DYM: variants seen among roughly 807,000 people sequenced by gnomAD.
DYM encodes the protein dymeclin, also known as dyggve-Melchior-Clausen syndrome protein.
In DYM, 78 loss-of-function variants were observed where a neutral mutation model predicts 93.1. The observed-to-expected ratio is 0.84, with a 90% CI of 0.70 to 1.01. The LOEUF is 1.01. DYM is among the 50% of genes least tolerant of loss of function. The probability of loss-of-function intolerance (pLI) is 0.00; values close to 1 mark genes in which losing one functional copy is unlikely to be tolerated. For synonymous variants in DYM, 321 were observed against 319.7 expected, an observed-to-expected ratio of 1.00 and a Z score of -0.04; for missense variants, 789 against 845.0, an observed-to-expected ratio of 0.93 and a Z score of 0.82.
chr18:49,056,441 A>G (rs186347298), intron 17 of DYM, among the ~76,000 whole-genome samples: 22 of 152,390 alleles, frequency 1.4e-4, no homozygotes, highest in African/African-American at 5.0e-4. Flanking sequence ...CAGAGGGCTA[A>G]TGAGTGTAAA....
At chr18:49,355,637 G>A (rs979373906) in intron 6 of DYM, among the ~76,000 whole-genome samples, 2 of 152,164 alleles carry the variant, frequency 1.3e-5, no homozygotes, top group African/African-American at 4.8e-5. Flanking sequence ...TTCCTCTGCT[G>A]AGGGACACTG....
intron 8 of DYM, among the ~76,000 whole-genome samples, chr18:49,289,766 TATATATACAC>T (rs1425110670): frequency 6.2e-4 from 30 of 48,646 alleles, no homozygotes; most frequent in Middle Eastern, 7.0e-3. Context: ...TATATATATA[TATATATACAC>T]ATATATATAT....
chr18:49,364,501 T>G (rs1422492673), intron 5 of DYM, among the ~76,000 whole-genome samples: 1 of 152,010 alleles, frequency 6.6e-6, no homozygotes, highest in South Asian at 2.1e-4. Flanking sequence ...TTAACCTTCA[T>G]AACTAGTTAG....
chr18:49,271,081 C>A (rs1027048676), intron 11 of DYM, among the ~76,000 whole-genome samples: 3 of 152,136 alleles, frequency 2.0e-5, no homozygotes, highest in African/African-American at 7.2e-5. Context: ...CTTACTCCTA[C>A]AGATGAACAG....
chr18:49,135,295 G>A (rs151247993), intron 15 of DYM, among the ~76,000 whole-genome samples: 141 of 152,248 alleles, frequency 9.3e-4, no homozygotes, highest in Non-Finnish European at 1.8e-3. Flanking sequence ...ACTACTCTGT[G>A]TATTAAAGAC....
chr18:49,257,371 G>A (rs8090828), intron 12 of DYM, among the ~76,000 whole-genome samples: 17 of 152,072 alleles, frequency 1.1e-4, no homozygotes, highest in African/African-American at 3.9e-4. Flanking sequence ...GAAATATAAC[G>A]TTTAATTACA....
At chr18:49,147,190 T>C (rs1235193068) in intron 15 of DYM, among the ~76,000 whole-genome samples, 1 of 151,996 alleles carries the variant, frequency 6.6e-6, no homozygotes, top group Non-Finnish European at 1.5e-5. Flanking sequence ...TACACAAAAA[T>C]TAATTCAAGA....
chr18:49,289,045 A>C (rs2059850455), intron 8 of DYM, among the ~76,000 whole-genome samples: 1 of 152,172 alleles, frequency 6.6e-6, no homozygotes, highest in Non-Finnish European at 1.5e-5. Context: ...GAGGAGACAA[A>C]TAGGTCAACA....
chr18:49,207,240 C>A lies in DYM; in HGVS notation c.1625+2311G>T, dbSNP rs535379328. ...TGCCAGCTGTATTAATGAGGGTTAA[C>A]AATGCGCCAGGCATGATATGCTATA... On this transcript the variant is annotated intron_variant, in intron 14 of 17. Transcript: ENST00000675505. Among the ~76,000 whole-genome samples, 10 of 152,294 alleles carry A rather than the reference C, an allele frequency of 6.6e-5. No homozygotes were observed. In the South Asian group the frequency reaches 2.1e-3, roughly 32 times the overall value.
chr18:49,093,829 T>TA (rs1256022791), intron 17 of DYM, among the ~76,000 whole-genome samples: 1 of 152,164 alleles, frequency 6.6e-6, no homozygotes, highest in Non-Finnish European at 1.5e-5. Context: ...GACCCCTGAA[T>TA]AGGAGCAAAG....
chr18:49,118,429 T>C (rs184798591), intron 16 of DYM, among the ~76,000 whole-genome samples: 102 of 152,238 alleles, frequency 6.7e-4, no homozygotes, highest in African/African-American at 2.4e-3. Flanking sequence ...AAACATGGGC[T>C]AGATAGAAAT....
intron 11 of DYM, among the ~76,000 whole-genome samples, chr18:49,258,839 C>CAGAG (rs61360021): frequency 0.019 from 2,141 of 113,666 alleles, 49 homozygotes; most frequent in Non-Finnish European, 0.024. Flanking sequence ...CACACACACA[C>CAGAG]AGAGAGAGAG....
intron 17 of DYM, among the ~76,000 whole-genome samples, chr18:49,087,356 TCTA>T: frequency 6.6e-6 from 1 of 152,376 alleles, no homozygotes; most frequent in East Asian, 1.9e-4. Context: ...ACTAAATTTT[TCTA>T]CTCTAGGATT....
intron 10 of DYM, among the ~76,000 whole-genome samples, chr18:49,274,807 C>T (rs902665447): frequency 6.6e-6 from 1 of 152,032 alleles, no homozygotes; most frequent in Admixed American, 6.6e-5. Flanking sequence ...TTACTCAGAT[C>T]TTTCATCCAT....
chr18:49,133,511 T>A (rs2083561834), intron 15 of DYM, among the ~76,000 whole-genome samples: 1 of 152,234 alleles, frequency 6.6e-6, no homozygotes, highest in Admixed American at 6.5e-5. Flanking sequence ...GGTTCTTTTC[T>A]GGGAGCTCAG....
chr18:49,153,715 G>A (rs1347009605), intron 15 of DYM, among the ~76,000 whole-genome samples: 1 of 152,112 alleles, frequency 6.6e-6, no homozygotes, highest in Admixed American at 6.5e-5. Context: ...CGAGGGAGAA[G>A]TGACAACTCT....
At chr18:49,195,899 C>T (rs1178133498) in intron 14 of DYM, among the ~76,000 whole-genome samples, 1 of 143,548 alleles carries the variant, frequency 7.0e-6, no homozygotes, top group Non-Finnish European at 1.5e-5. Flanking sequence ...TAATTATGCT[C>T]TCTTGAATGC....
chr18:49,344,175 A>C (rs1274082406), intron 6 of DYM, among the ~76,000 whole-genome samples: 1 of 152,142 alleles, frequency 6.6e-6, no homozygotes, highest in Non-Finnish European at 1.5e-5. Flanking sequence ...ATATCTGGGG[A>C]AAAAATGATG....
chr18:49,223,479 G>A (rs1412028729), intron 13 of DYM, among the ~76,000 whole-genome samples: 1 of 151,894 alleles, frequency 6.6e-6, no homozygotes, highest in Non-Finnish European at 1.5e-5. Context: ...ATGTGGTGTG[G>A]GATCCTGTAT....
Sources: allele counts gnomAD v4.1 joint callset (sites outside exome capture counted in the v4.1 genomes callset), GRCh38; gene constraint gnomAD v4.1.1; transcripts MANE v1.5; gene names NCBI Gene and HGNC (gene_info 2026-07-23, HGNC 2026-07-21).